The following LRRTM3 variants were observed in gnomAD, a reference collection of about 807,000 sequenced individuals.
LRRTM3 encodes the protein leucine-rich repeat transmembrane neuronal protein 3.
In LRRTM3, 24 loss-of-function variants were observed where a neutral mutation model predicts 44.7. The ratio of observed to expected loss-of-function variants is 0.54; its 90% CI spans 0.39 to 0.76. LRRTM3 has a LOEUF of 0.76. Ranked by LOEUF, LRRTM3 falls within the 30% of genes least tolerant of loss-of-function variation. The probability of loss-of-function intolerance (pLI) is 0.00; values close to 1 mark genes in which losing one functional copy is unlikely to be tolerated. For missense variants in LRRTM3, 587 were observed against 702.2 expected, an observed-to-expected ratio of 0.84 and a Z score of 1.85; for synonymous variants, 277 against 278.7, an observed-to-expected ratio of 0.99 and a Z score of 0.06.
chr10:67,045,275 G>A (rs2133162054), intron 2 of LRRTM3, among the ~76,000 whole-genome samples: 1 of 152,208 alleles, frequency 6.6e-6, no homozygotes, highest in South Asian at 2.1e-4. Context: ...TATAAACACA[G>A]ATAAGAAACC....
chr10:67,072,671 T>C (rs74895764), intron 2 of LRRTM3, among the ~76,000 whole-genome samples: 13,256 of 152,238 alleles, frequency 0.087, 662 homozygotes, highest in Non-Finnish European at 0.11. Context: ...TGGATTTTGA[T>C]TGAAAGCCTG....
At chr10:66,952,236 T>C (rs1049375089) in intron 2 of LRRTM3, among the ~76,000 whole-genome samples, 9 of 152,142 alleles carry the variant, frequency 5.9e-5, no homozygotes, top group African/African-American at 1.9e-4. Context: ...AGAATACTCA[T>C]TGTAATTGAA....
Position 66,927,011 on chromosome 10 carries a change from G to C in LRRTM3, c.95G>C (p.Arg32Pro), listed in dbSNP as rs267602548. The C allele has an allele frequency of 1.2e-6, 2 of 1,614,108 alleles. No homozygotes were observed. The highest frequency in any genetic ancestry group is 1.7e-5 in the Admixed American group (1 of 60,016). ...VLLTMLSSAE[R>P]GCPKGCRCEG... ...CTGACAATGCTTTCTTCTGCCGAACGAGGATGCCCTAAGGGCTGTAGGTGT... is the reference window on the plus strand; with the variant it reads ...CTGACAATGCTTTCTTCTGCCGAACCAGGATGCCCTAAGGGCTGTAGGTGT... Residue 32 changes from arginine to proline, a missense_variant, in exon 2 of 3, where the codon CGA becomes CCA. By Grantham distance (103) the Arg-to-Pro change is moderately radical. Around this residue, in one of 3 missense-constraint regions of LRRTM3, gnomAD observed 50 missense variants for 43.4 expected, o/e 1.15. Transcript: ENST00000361320. This position sits in a 1 kb window ranked among gnomAD's most constrained non-coding sequence, Gnocchi z 4.7.
At chr10:66,937,733 T>C (rs1052063328) in intron 2 of LRRTM3, among the ~76,000 whole-genome samples, 1 of 152,144 alleles carries the variant, frequency 6.6e-6, no homozygotes, top group African/African-American at 2.4e-5. Context: ...AAGTAGCCCA[T>C]GCTTCCCAAT....
chr10:67,064,020 G>A lies in LRRTM3; in HGVS notation c.1537-33567G>A, dbSNP rs376767942. 3.9e-4 allele frequency among the ~76,000 whole-genome samples: 60 copies of A among 152,266 alleles called. 2 individuals are homozygous for A. In the South Asian group the frequency reaches 0.012, roughly 30 times the overall value. Reference sequence around the variant, plus strand: ...TTTAGAGTCATCTCCCTCTATGCACGTGTGCTTTGGCAAAATCAGGTACAA... The same window carrying A: ...TTTAGAGTCATCTCCCTCTATGCACATGTGCTTTGGCAAAATCAGGTACAA... On this transcript the variant is annotated intron_variant, in intron 2 of 2. Transcript: ENST00000361320.
chr10:67,030,988 G>T (rs11814075), intron 2 of LRRTM3, among the ~76,000 whole-genome samples: 8,652 of 152,164 alleles, frequency 0.057, 319 homozygotes, highest in Non-Finnish European at 0.08. Context: ...TGGGCAACAA[G>T]AGCGAAACTC....
rs555220987 is a variant in LRRTM3 at position 66,936,622 on chromosome 10, G to A, written c.1536+8170G>A. Among the ~76,000 whole-genome samples the A allele has an allele frequency of 7.2e-5, 11 of 152,230 alleles. No homozygotes were observed. In the South Asian group the frequency reaches 2.1e-3, roughly 29 times the overall value. ...TCACAGGGTCAGTTTCATGGTTGGA[G>A]TCATCGGACAGATGGACTAGATTGA... On this transcript the variant is annotated intron_variant, in intron 2 of 2. Transcript: ENST00000361320.
chr10:67,070,148 GAAGTT>G (rs1414607387), intron 2 of LRRTM3, among the ~76,000 whole-genome samples: 1 of 152,118 alleles, frequency 6.6e-6, no homozygotes, highest in East Asian at 1.9e-4. Context: ...AATGATTGTT[GAAGTT>G]AAGTTCTTTT....
At chr10:66,957,433 T>C (rs1185688517) in intron 2 of LRRTM3, among the ~76,000 whole-genome samples, 1 of 118,100 alleles carries the variant, frequency 8.5e-6, no homozygotes, top group African/African-American at 2.9e-5. Flanking sequence ...TATATGCATA[T>C]ATATATATGC....
At chr10:66,975,979 T>C (rs1209181630) in intron 2 of LRRTM3, among the ~76,000 whole-genome samples, 1 of 152,196 alleles carries the variant, frequency 6.6e-6, no homozygotes, top group Non-Finnish European at 1.5e-5. Context: ...CTACTGCAGT[T>C]AAAAACCAGA....
chr10:66,996,462 A>G (rs1216465486), intron 2 of LRRTM3, among the ~76,000 whole-genome samples: 2 of 151,950 alleles, frequency 1.3e-5, no homozygotes, highest in Non-Finnish European at 2.9e-5. Context: ...GCTGGGCAAT[A>G]TGGTGAAACC....
At chr10:66,963,646 C>A (rs937196942) in intron 2 of LRRTM3, among the ~76,000 whole-genome samples, 5 of 151,988 alleles carry the variant, frequency 3.3e-5, no homozygotes, top group African/African-American at 4.8e-5. Flanking sequence ...TATTTAGATC[C>A]CTTTTCAGGG....
At chr10:67,053,584 T>C (rs925214157) in intron 2 of LRRTM3, among the ~76,000 whole-genome samples, 8 of 152,220 alleles carry the variant, frequency 5.3e-5, no homozygotes, top group African/African-American at 1.9e-4. Context: ...ATAAATTCTT[T>C]TGTTTTCATC....
At chr10:67,085,673 A>T (rs1430415414) in intron 2 of LRRTM3, among the ~76,000 whole-genome samples, 1 of 152,062 alleles carries the variant, frequency 6.6e-6, no homozygotes, top group Non-Finnish European at 1.5e-5. Flanking sequence ...ATATTAGCTC[A>T]TCCCTTATTA....
At chr10:67,047,338 C>T (rs1854815392) in intron 2 of LRRTM3, among the ~76,000 whole-genome samples, 1 of 151,980 alleles carries the variant, frequency 6.6e-6, no homozygotes. Context: ...TCCCTGTGCC[C>T]CTAGGAGGAG....
At chr10:67,071,546 G>T (rs1856466761) in intron 2 of LRRTM3, among the ~76,000 whole-genome samples, 1 of 150,928 alleles carries the variant, frequency 6.6e-6, no homozygotes, top group Middle Eastern at 3.4e-3. Context: ...TTAAGATCTT[G>T]TTATCTGGTT....
chr10:67,094,282 C>T (rs2131921029), intron 2 of LRRTM3, among the ~76,000 whole-genome samples: 1 of 151,820 alleles, frequency 6.6e-6, no homozygotes, highest in East Asian at 1.9e-4. Flanking sequence ...AATGGATATC[C>T]TACATGGATA....
intron 2 of LRRTM3, among the ~76,000 whole-genome samples, chr10:66,992,519 T>C (rs1340538994): frequency 6.6e-6 from 1 of 152,042 alleles, no homozygotes; most frequent in African/African-American, 2.4e-5. Context: ...GTTCTTCCAG[T>C]TTGTGGCTTG....
At chr10:66,942,850 T>A (rs1848080685) in intron 2 of LRRTM3, among the ~76,000 whole-genome samples, 1 of 152,182 alleles carries the variant, frequency 6.6e-6, no homozygotes, top group African/African-American at 2.4e-5. Flanking sequence ...TTTATGTTTT[T>A]AAAAATTCCA....
Sources: allele counts gnomAD v4.1 joint callset (sites outside exome capture counted in the v4.1 genomes callset), GRCh38; gene constraint gnomAD v4.1.1; regional missense constraint gnomAD v4.1.1; non-coding constraint Gnocchi (gnomAD v3.1); transcripts MANE v1.5; gene names NCBI Gene and HGNC (gene_info 2026-07-23, HGNC 2026-07-21).